The following COA5 variants were observed in gnomAD, a reference collection of about 807,000 sequenced individuals.
The protein encoded by COA5 is protein C2orf64.
Under a neutral mutation model 11.8 loss-of-function variants are expected in COA5, and 11 were observed. That is an observed-to-expected ratio of 0.93 (90% confidence interval 0.59 to 1.54). The LOEUF (loss-of-function observed/expected upper bound fraction) is 1.54. COA5 is among the 40% of genes most tolerant of loss of function. The probability of loss-of-function intolerance (pLI) is 0.00; values close to 1 mark genes in which losing one functional copy is unlikely to be tolerated. For missense variants in COA5, 87 were observed against 89.2 expected, an observed-to-expected ratio of 0.97 and a Z score of 0.10; for synonymous variants, 38 against 37.5, an observed-to-expected ratio of 1.01 and a Z score of -0.05.
At chr2:98,606,193 A>C (rs1280600464) in intron 1 of COA5, among the ~76,000 whole-genome samples, 1 of 152,136 alleles carries the variant, frequency 6.6e-6, no homozygotes, top group Admixed American at 6.5e-5. Flanking sequence ...TTTCCATCAT[A>C]ATTAAGGTTG....
chr2:98,600,498 A>G lies in COA5; in HGVS notation c.*254T>C. ...TTTTCTGTGCTTTAGAACAATTCTCAAAACACATTTATTATGCTCCCAACC... is the reference window on the plus strand; with the variant it reads ...TTTTCTGTGCTTTAGAACAATTCTCGAAACACATTTATTATGCTCCCAACC... On this transcript the variant is annotated 3_prime_UTR_variant, in exon 3 of 3. Transcript: ENST00000328709. 1.9e-6 allele frequency: 1 copy of G among 519,240 alleles called. No individual in the cohort carries two copies. Among genetic ancestry groups the G allele is most frequent in the South Asian group, 2.2e-5 (1 of 45,936 alleles). 32.2% of individuals were successfully genotyped at this position (519,240 alleles called of 1,614,324 possible).
chr2:98,600,842 TA>T (rs1559143942), intron 2 of COA5, 49 bp from the exon 3 acceptor site: 1 of 1,206,172 alleles, frequency 8.3e-7, no homozygotes, highest in African/African-American at 1.5e-5. Flanking sequence ...TGTAATTAAT[TA>T]AACACCCCTT....
chr2:98,608,096 G>A (rs971730474), intron 1 of COA5, among the ~76,000 whole-genome samples: 2 of 152,258 alleles, frequency 1.3e-5, no homozygotes, highest in African/African-American at 4.8e-5. Context: ...AAACCCGACA[G>A]GGTGCGTTTA....
At chr2:98,606,308 C>A (rs1217265370) in intron 1 of COA5, among the ~76,000 whole-genome samples, 2 of 152,210 alleles carry the variant, frequency 1.3e-5, no homozygotes, top group African/African-American at 2.4e-5. Context: ...GGAGATTGTT[C>A]TGGACCTGCA....
At chr2:98,604,009 T>C in intron 2 of COA5, 99 bp downstream of exon 2, 1 of 879,742 alleles carries the variant, frequency 1.1e-6, no homozygotes, top group Non-Finnish European at 1.9e-6. Context: ...TTCCAAACCA[T>C]ATCACTGCAA....
chr2:98,601,322 G>T (rs7588254), intron 2 of COA5, among the ~76,000 whole-genome samples: 45,650 of 152,006 alleles, frequency 0.3, 7,199 homozygotes, highest in African/African-American at 0.39. Flanking sequence ...ACATTTAACT[G>T]TTTATTTGGA....
intron 1 of COA5, among the ~76,000 whole-genome samples, chr2:98,607,366 A>C (rs762276610): frequency 3.3e-5 from 5 of 152,334 alleles, no homozygotes; most frequent in South Asian, 4.1e-4. Context: ...TATATAAGGA[A>C]GTTGGGCGAG....
Position 98,600,542 on chromosome 2 carries a change from T to C in COA5, c.*210A>G. The C allele has an allele frequency of 1.7e-6, 1 of 588,106 alleles. No homozygotes were observed. 36.4% of individuals were successfully genotyped at this position (588,106 alleles called of 1,614,324 possible). On this transcript the variant is annotated 3_prime_UTR_variant, in exon 3 of 3. Coordinates refer to ENST00000328709, the MANE Select transcript of COA5 (RefSeq NM_001008215.3). ...CCCAACCCATACCTGTTCAATTAGGTTTTTCTTCTAAAAATAACTTGGATC... is the reference window on the plus strand; with the variant it reads ...CCCAACCCATACCTGTTCAATTAGGCTTTTCTTCTAAAAATAACTTGGATC...
intron 1 of COA5, among the ~76,000 whole-genome samples, chr2:98,607,735 C>T (rs1559145847): frequency 6.6e-6 from 1 of 152,104 alleles, no homozygotes; most frequent in Non-Finnish European, 1.5e-5. Context: ...TGTCTGTAGC[C>T]GGGGAGTGAA....
intron 2 of COA5, among the ~76,000 whole-genome samples, chr2:98,603,357 T>C (rs1387168898): frequency 1.3e-5 from 2 of 152,098 alleles, no homozygotes; most frequent in African/African-American, 4.8e-5. Context: ...GGCAGGCGCC[T>C]GTAATCCCAG....
intron 2 of COA5, among the ~76,000 whole-genome samples, chr2:98,601,223 C>CAATAAATA (rs758730261): frequency 0.012 from 1,810 of 149,688 alleles, 43 homozygotes; most frequent in African/African-American, 0.041. Context: ...CCAGCCTGGG[C>CAATAAATA]AATAAATAAA....
At position 98,608,368 on chromosome 2, in the gene COA5, G is replaced by T. The variant is rs1309480433; in HGVS notation, c.38C>A (p.Ala13Glu). The change falls in exon 1 of 3, where the codon GCG (alanine) becomes GAG (glutamate). Residue 13 changes from alanine to glutamate, a missense_variant. Transcript: ENST00000328709. ...CAGGTCCTCCTTCAGGCCCGCGCAC[G>T]CGCCGCCCTGCGGCTTGTCCTCATA... ...KYYEDKPQGG[A>E]CAGLKEDLGA... 5 of 1,608,618 alleles carry T rather than the reference G, an allele frequency of 3.1e-6. No homozygotes were observed. The Admixed American group carries it at 6.7e-5, about 22-fold the overall frequency.
chr2:98,600,863 A>G (rs1700633724), intron 2 of COA5, 70 bp from the exon 3 acceptor site: 5 of 979,162 alleles, frequency 5.1e-6, no homozygotes, highest in Non-Finnish European at 8.0e-6. Context: ...TACTTTGGTA[A>G]GGGTATCACC....
intron 1 of COA5, among the ~76,000 whole-genome samples, chr2:98,606,881 C>A (rs1015694797): frequency 1.1e-4 from 17 of 152,200 alleles, no homozygotes; most frequent in Non-Finnish European, 2.4e-4. Context: ...GACACTAGCT[C>A]CTCTGCGCCC....
intron 1 of COA5, among the ~76,000 whole-genome samples, chr2:98,607,169 C>A (rs10189807): frequency 8.8e-4 from 134 of 152,260 alleles, no homozygotes; most frequent in African/African-American, 3.0e-3. Flanking sequence ...TCCCATGACA[C>A]CAAGCTTACA....
At position 98,600,760 on chromosome 2, in the gene COA5, CT is replaced by C; in HGVS notation, c.216del (p.Gly73AspfsTer7). 1 of 1,609,442 alleles carries C rather than the reference CT, an allele frequency of 6.2e-7. No individual in the cohort carries two copies. The highest frequency in any genetic ancestry group is 8.5e-7 in the Non-Finnish European group (1 of 1,176,424). On this transcript the variant is annotated frameshift_variant, in exon 3 of 3. Coordinates refer to ENST00000328709, the MANE Select transcript of COA5 (RefSeq NM_001008215.3). LOFTEE classifies it high-confidence loss of function. ...GGCTTCAACATAATGCATCAATATC[CT>C]TTTCTTCCTCTGAATCTTGCCCTGT... ...LDNRARFRGR[K>X]GY
chr2:98,604,322 G>T, intron 1 of COA5, 131 bp from the exon 2 acceptor site: 1 of 746,142 alleles, frequency 1.3e-6, no homozygotes, highest in Non-Finnish European at 2.3e-6. Flanking sequence ...GTAGGAAATA[G>T]TTCTTAATTC....
At chr2:98,603,009 TA>T (rs1700662867) in intron 2 of COA5, among the ~76,000 whole-genome samples, 1 of 152,188 alleles carries the variant, frequency 6.6e-6, no homozygotes, top group Non-Finnish European at 1.5e-5. Context: ...CTTAAGAAAG[TA>T]AACAGAGCAG....
At chr2:98,606,296 TAGG>T (rs1700704987) in intron 1 of COA5, among the ~76,000 whole-genome samples, 1 of 152,230 alleles carries the variant, frequency 6.6e-6, no homozygotes, top group Non-Finnish European at 1.5e-5. Flanking sequence ...CAACAGATTG[TAGG>T]AGATTGTTCT....
Sources: gnomAD v4.1 joint callset for allele counts (sites outside exome capture counted in the v4.1 genomes callset) on GRCh38, gnomAD v4.1.1 for gene constraint, MANE v1.5 for transcripts, NCBI Gene and HGNC (gene_info 2026-07-23, HGNC 2026-07-21) for gene names.